The following HDAC4 variants were observed in gnomAD, a reference collection of about 807,000 sequenced individuals.
HDAC4 encodes histone deacetylase 4, also known as histone deacetylase A.
In HDAC4, 16 loss-of-function variants were observed where a neutral mutation model predicts 135.1. The ratio of observed to expected loss-of-function variants is 0.12; its 90% confidence interval spans 0.08 to 0.18. The LOEUF is 0.18. Among genes scored for constraint, HDAC4 ranks in the 10% least tolerant of loss-of-function variants. The pLI is 1.00. For synonymous variants in HDAC4, 685 were observed against 653.4 expected (o/e 1.05, Z -0.74); for missense variants, 1,143 against 1,511.8 (o/e 0.76, Z 4.05).
At chr2:239,192,398 G>A (rs182142112) in intron 3 of HDAC4, among the ~76,000 whole-genome samples, 1 of 152,332 alleles carries the variant, frequency 6.6e-6, no homozygotes, top group East Asian at 1.9e-4. Flanking sequence ...TGGAAAAACT[G>A]CGTAAGCAAT....
intron 9 of HDAC4, among the ~76,000 whole-genome samples, chr2:239,136,867 C>T (rs1254088155): frequency 1.3e-5 from 2 of 152,182 alleles, no homozygotes; most frequent in Non-Finnish European, 1.5e-5. Flanking sequence ...AAACTCACGG[C>T]GCACCTCGCC....
chr2:239,103,942 A>G (rs1214934327), intron 15 of HDAC4, among the ~76,000 whole-genome samples: 1 of 152,232 alleles, frequency 6.6e-6, no homozygotes, highest in Non-Finnish European at 1.5e-5. Flanking sequence ...TCCAGAGGGC[A>G]GGTGCGCTGG....
intron 16 of HDAC4, among the ~76,000 whole-genome samples, chr2:239,097,204 G>A (rs993792627): frequency 1.3e-5 from 2 of 152,246 alleles, no homozygotes; most frequent in Admixed American, 1.3e-4. Context: ...GTCTGTGCCC[G>A]CCTTGTCCCT....
chr2:239,199,615 C>T (rs138610770), intron 3 of HDAC4, among the ~76,000 whole-genome samples: 211 of 152,312 alleles, frequency 1.4e-3, no homozygotes, highest in Non-Finnish European at 2.1e-3. Flanking sequence ...TGCTCACAGT[C>T]CTGTCCTTGA....
chr2:239,378,423 C>T (rs747398861), intron 1 of HDAC4, among the ~76,000 whole-genome samples: 1 of 152,160 alleles, frequency 6.6e-6, no homozygotes, highest in Non-Finnish European at 1.5e-5. Flanking sequence ...AACGTGACCA[C>T]GGCTGTTCTG....
At chr2:239,310,612 A>C (rs756747426) in intron 2 of HDAC4, among the ~76,000 whole-genome samples, 29 of 152,186 alleles carry the variant, frequency 1.9e-4, no homozygotes, top group Non-Finnish European at 3.4e-4. Flanking sequence ...GCAGGGCTAA[A>C]TGGCTTCAGG....
intron 23 of HDAC4, among the ~76,000 whole-genome samples, chr2:239,067,796 G>A (rs918199558): frequency 6.6e-6 from 1 of 152,226 alleles, no homozygotes; most frequent in East Asian, 1.9e-4. Context: ...TGTGCCGACA[G>A]GAGTGGGGAG....
chr2:239,213,800 C>T (rs190982209), intron 3 of HDAC4, among the ~76,000 whole-genome samples: 16 of 152,370 alleles, frequency 1.1e-4, no homozygotes, highest in Non-Finnish European at 1.9e-4. Flanking sequence ...CTCCCTGGAG[C>T]GCTTGCAGTG....
At chr2:239,241,561 C>A (rs749140837) in intron 2 of HDAC4, among the ~76,000 whole-genome samples, 3 of 152,162 alleles carry the variant, frequency 2.0e-5, no homozygotes, top group Non-Finnish European at 4.4e-5. Flanking sequence ...CTGCAGATAT[C>A]CTCTCAAAGG....
chr2:239,100,804 A>G (rs939748593), intron 16 of HDAC4, among the ~76,000 whole-genome samples: 6 of 151,842 alleles, frequency 4.0e-5, no homozygotes, highest in Non-Finnish European at 2.9e-5. Flanking sequence ...CCCAGTGGGG[A>G]GGGGTAGGGG....
In HDAC4 at chr2:239,262,122, C is replaced by A. The variant is rs1045273255; in HGVS notation, c.23-25458G>T. Among the ~76,000 whole-genome samples, 5 of 152,150 alleles carry A rather than the reference C, an allele frequency of 3.3e-5. No homozygotes were observed. The highest frequency in any genetic ancestry group is 7.3e-5 in the Non-Finnish European group (5 of 68,028). On this transcript the variant is annotated intron_variant, in intron 2 of 26. Coordinates refer to ENST00000543185, the MANE Select transcript of HDAC4 (RefSeq NM_001378414.1). This position sits in a 1 kb window ranked among gnomAD's most constrained non-coding sequence, Gnocchi z 4.1. ...ACCACGCCAGCGCCGCCTGCAGTGACGCCGGGCCACGCTCACCCCAAGGCC... is the reference window on the plus strand; with the variant it reads ...ACCACGCCAGCGCCGCCTGCAGTGAAGCCGGGCCACGCTCACCCCAAGGCC...
chr2:239,093,202 C>G (rs1418023123), intron 17 of HDAC4, among the ~76,000 whole-genome samples: 1 of 152,234 alleles, frequency 6.6e-6, no homozygotes, highest in African/African-American at 2.4e-5. Flanking sequence ...CACTTTACAG[C>G]TCCCATTTCC....
rs140236307 is a variant in HDAC4 at position 239,253,500 on chromosome 2, C to T, written c.23-16836G>A. ...TGCTTTGATGTTCTGAATTAACACG[C>T]GCCTGTAGTAAAAGCCAATTTTACA... On this transcript the variant is annotated intron_variant, in intron 2 of 26. Coordinates refer to ENST00000543185, the MANE Select transcript of HDAC4 (RefSeq NM_001378414.1). Among the ~76,000 whole-genome samples, 100 of 152,304 alleles carry T rather than the reference C, an allele frequency of 6.6e-4. 1 individual carries two copies. In the East Asian group the frequency reaches 0.011, roughly 17 times the overall value.
chr2:239,303,338 T>C lies in HDAC4; in HGVS notation c.22+49340A>G, dbSNP rs761624993. ...CCCGGATTGACTTGTCCTCCTCTGA[T>C]GCCTGGTTCCTCTGCCATCAAGACC... On this transcript the variant is annotated intron_variant, in intron 2 of 26. Transcript: ENST00000543185. This position sits in a 1 kb window ranked among gnomAD's most constrained non-coding sequence, Gnocchi z 5.1. 2.0e-4 allele frequency among the ~76,000 whole-genome samples: 31 copies of C among 152,242 alleles called. No individual in the cohort carries two copies. Among genetic ancestry groups the C allele is most frequent in the Non-Finnish European group, 4.1e-4 (28 of 68,044 alleles).
intron 7 of HDAC4, among the ~76,000 whole-genome samples, chr2:239,155,922 G>A (rs2042396601): frequency 6.6e-6 from 1 of 152,154 alleles, no homozygotes; most frequent in African/African-American, 2.4e-5. Flanking sequence ...CCTCTGGAAG[G>A]CACTCCCTGG....
chr2:239,181,626 A>T (rs1263634209), intron 4 of HDAC4, among the ~76,000 whole-genome samples: 1 of 152,244 alleles, frequency 6.6e-6, no homozygotes, highest in Non-Finnish European at 1.5e-5. Context: ...CTGGCCTCCG[A>T]AGACTCACAG....
chr2:239,061,118 C>A (rs989637232), intron 24 of HDAC4, among the ~76,000 whole-genome samples: 4 of 151,218 alleles, frequency 2.6e-5, no homozygotes, highest in African/African-American at 9.7e-5. Context: ...ACCGTTGGCA[C>A]GGGGGGAGTG....
chr2:239,068,841 C>A lies in HDAC4; in HGVS notation c.2751-234G>T, dbSNP rs987843725. On this transcript the variant is annotated intron_variant, in intron 22 of 26. Coordinates refer to ENST00000543185, the MANE Select transcript of HDAC4 (RefSeq NM_001378414.1). The surrounding 1 kb of genome is among the most constrained non-coding windows in gnomAD (Gnocchi z 4.4). Reference sequence around the variant, plus strand: ...CATCTTCACAGTGCAAGCCAGCAAGCCCCACGACACTTGCTTGGTGAGAGG... The same window carrying A: ...CATCTTCACAGTGCAAGCCAGCAAGACCCACGACACTTGCTTGGTGAGAGG... 4 of 571,594 alleles carry A rather than the reference C, an allele frequency of 7.0e-6. No individual in the cohort carries two copies. The highest frequency in any genetic ancestry group is 5.5e-5 in the African/African-American group (3 of 54,086). The allele number at this position is 571,594 out of a possible 1,614,324, so 35.4% of individuals were successfully genotyped here. A position where few individuals can be genotyped will look rare whatever the true frequency, so the allele number is the denominator to read the frequency against.
chr2:239,321,493 G>T (rs2053311824), intron 2 of HDAC4, among the ~76,000 whole-genome samples: 1 of 141,634 alleles, frequency 7.1e-6, no homozygotes, highest in African/African-American at 2.6e-5. Context: ...AAAAAAAAAG[G>T]TTAGCTTACA....
Sources: allele counts gnomAD v4.1 joint callset (sites outside exome capture counted in the v4.1 genomes callset), GRCh38; gene constraint gnomAD v4.1.1; non-coding constraint Gnocchi (gnomAD v3.1); transcripts MANE v1.5; gene names NCBI Gene and HGNC (gene_info 2026-07-23, HGNC 2026-07-21).